CELF4: variants seen among roughly 807,000 people sequenced by gnomAD.
CELF4 encodes CUGBP Elav-like family member 4, also known as CUG-BP- and ETR-3-like factor 4.
CELF4 carries 18 observed loss-of-function variants against 59.9 expected under a neutral mutation model. The observed-to-expected ratio is 0.30, with a 90% CI of 0.21 to 0.45. The LOEUF is 0.45. Among genes scored for constraint, CELF4 ranks in the 20% least tolerant of loss-of-function variants. The pLI is 1.00. For missense variants in CELF4, 456 were observed against 689.0 expected (o/e 0.66, Z 3.79); for synonymous variants, 261 against 267.1 (o/e 0.98, Z 0.22).
At chr18:37,528,224 T>G (rs1569569765) in intron 1 of CELF4, among the ~76,000 whole-genome samples, 2 of 152,080 alleles carry the variant, frequency 1.3e-5, no homozygotes, top group African/African-American at 4.8e-5. Flanking sequence ...ACAAAGAAAA[T>G]TTAATGGGAG....
At chr18:37,437,730 C>T (rs144672103) in intron 2 of CELF4, among the ~76,000 whole-genome samples, 1 of 152,274 alleles carries the variant, frequency 6.6e-6, no homozygotes, top group East Asian at 1.9e-4. Context: ...TCTTCTCAGC[C>T]TCCTGATCTC....
chr18:37,484,607 C>A (rs988493483), intron 2 of CELF4, among the ~76,000 whole-genome samples: 2 of 152,236 alleles, frequency 1.3e-5, no homozygotes, highest in African/African-American at 4.8e-5. Flanking sequence ...ATCTTCGATG[C>A]AAAGGAAGGC....
intron 6 of CELF4, chr18:37,273,398 CCA>C: frequency 7.9e-7 from 1 of 1,267,468 alleles, no homozygotes; most frequent in Non-Finnish European, 1.0e-6. Flanking sequence ...CTTTGGAACT[CCA>C]AAGTTGTTGC....
intron 8 of CELF4, among the ~76,000 whole-genome samples, chr18:37,267,904 G>C (rs1159388818): frequency 6.6e-6 from 1 of 152,172 alleles, no homozygotes; most frequent in Non-Finnish European, 1.5e-5. Context: ...GGGCATGGTG[G>C]TGGGCACCTG....
At chr18:37,330,616 G>C (rs188584657) in intron 2 of CELF4, among the ~76,000 whole-genome samples, 2 of 152,294 alleles carry the variant, frequency 1.3e-5, no homozygotes, top group South Asian at 4.1e-4. Flanking sequence ...TCCACCCTGA[G>C]GAGTTCCCGA....
intron 2 of CELF4, among the ~76,000 whole-genome samples, chr18:37,365,025 G>A (rs950170052): frequency 4.6e-5 from 7 of 152,122 alleles, no homozygotes; most frequent in African/African-American, 1.7e-4. Context: ...AGGAAGATTT[G>A]GGAAGATAGC....
chr18:37,406,141 T>C (rs986436205), intron 2 of CELF4, among the ~76,000 whole-genome samples: 4 of 150,910 alleles, frequency 2.7e-5, no homozygotes, highest in Admixed American at 2.0e-4. Flanking sequence ...TCCATTTTTA[T>C]TTTTTTTTAA....
intron 2 of CELF4, 33 bp downstream of exon 2, chr18:37,485,492 T>G: frequency 3.1e-6 from 4 of 1,280,532 alleles, no homozygotes; most frequent in Non-Finnish European, 2.0e-6. Flanking sequence ...TGTCGGCGCG[T>G]CGGCCGCTTG....
intron 2 of CELF4, among the ~76,000 whole-genome samples, chr18:37,366,988 C>T (rs1231856239): frequency 6.6e-6 from 1 of 152,186 alleles, no homozygotes; most frequent in Non-Finnish European, 1.5e-5. Flanking sequence ...AAGCCAAGCT[C>T]TGTGGGATCA....
chr18:37,429,407 TG>T (rs1399418032), intron 2 of CELF4, among the ~76,000 whole-genome samples: 2 of 150,822 alleles, frequency 1.3e-5, no homozygotes, highest in Non-Finnish European at 1.5e-5. Flanking sequence ...CTGGTGTGTC[TG>T]TGTCTGTGTG....
rs2072542429 is a variant in CELF4, at chr18:37,259,244, A to C, written c.1270T>G (p.Phe424Val). Residue 424 changes from phenylalanine (F) to valine (V), a missense_variant, in exon 11 of 13, where the codon TTC becomes GTC. By Grantham distance (50) the Phe-to-Val change is conservative. Transcript: ENST00000420428. Reference protein sequence around the residue: ...QREGPEGCNLFIYHLPQEFGD... With the variant: ...QREGPEGCNLVIYHLPQEFGD... ...AACTCCTGGGGCAGATGGTAGATGA[A>C]CAGGTTACAGCCCTCGGGCCCTGCG... is the stretch of plus-strand genomic sequence containing the variant. The C allele has an allele frequency of 7.2e-7, 1 of 1,379,352 alleles. No homozygotes were observed. The highest frequency in any genetic ancestry group is 1.5e-5 in the African/African-American group (1 of 65,734). The allele number at this position is 1,379,352 out of a possible 1,614,324, so 85.4% of individuals were successfully genotyped here.
intron 12 of CELF4, among the ~76,000 whole-genome samples, chr18:37,251,423 T>G (rs947320040): frequency 6.6e-6 from 1 of 152,148 alleles, no homozygotes; most frequent in Non-Finnish European, 1.5e-5. Flanking sequence ...TCTCACTCCT[T>G]CATCTGGGAA....
At chr18:37,533,791 G>A (rs528985133) in intron 1 of CELF4, among the ~76,000 whole-genome samples, 1 of 152,344 alleles carries the variant, frequency 6.6e-6, no homozygotes, top group South Asian at 2.1e-4. Flanking sequence ...CTGCAGAGAT[G>A]GGGAGAAATT....
At chr18:37,467,108 C>T (rs2099811039) in intron 2 of CELF4, among the ~76,000 whole-genome samples, 1 of 152,104 alleles carries the variant, frequency 6.6e-6, no homozygotes, top group Non-Finnish European at 1.5e-5. Context: ...CCACCTGATC[C>T]CATCCCTTGT....
At chr18:37,531,246 C>T (rs1260409774) in intron 1 of CELF4, among the ~76,000 whole-genome samples, 4 of 152,130 alleles carry the variant, frequency 2.6e-5, no homozygotes, top group African/African-American at 7.2e-5. Flanking sequence ...CAGCTGGGGC[C>T]CCCCTCCAGC....
intron 2 of CELF4, among the ~76,000 whole-genome samples, chr18:37,330,654 A>T (rs956308822): frequency 1.3e-5 from 2 of 152,138 alleles, no homozygotes; most frequent in African/African-American, 4.8e-5. Context: ...GCATGGCCCC[A>T]ATGCACAGTA....
chr18:37,371,839 A>C (rs2098890648), intron 2 of CELF4, among the ~76,000 whole-genome samples: 1 of 152,238 alleles, frequency 6.6e-6, no homozygotes, highest in Non-Finnish European at 1.5e-5. Flanking sequence ...TCAGGGGCCC[A>C]GGAAGAACAA....
chr18:37,373,860 T>C (rs935275160), intron 2 of CELF4, among the ~76,000 whole-genome samples: 4 of 152,170 alleles, frequency 2.6e-5, no homozygotes, highest in Non-Finnish European at 5.9e-5. Context: ...ACAGGACCCA[T>C]TCCCAATACC....
intron 1 of CELF4, among the ~76,000 whole-genome samples, chr18:37,491,796 A>G (rs1603642560): frequency 2.0e-5 from 3 of 152,300 alleles, no homozygotes; most frequent in African/African-American, 7.2e-5. Context: ...CCATGGTGCA[A>G]GGGGTACTGC....
Sources: gnomAD v4.1 joint callset for allele counts (sites outside exome capture counted in the v4.1 genomes callset) on GRCh38, gnomAD v4.1.1 for gene constraint, MANE v1.5 for transcripts, NCBI Gene and HGNC (gene_info 2026-07-23, HGNC 2026-07-21) for gene names.